CNTN5: variants seen among roughly 807,000 people sequenced by gnomAD.
CNTN5 encodes contactin-5.
CNTN5 carries 77 observed loss-of-function variants against 129.1 expected under a neutral mutation model. That is an observed-to-expected ratio of 0.60 (90% CI 0.50 to 0.72). CNTN5 has a LOEUF of 0.72. CNTN5 is among the 30% of genes least tolerant of loss of function. The pLI, the probability that CNTN5 is intolerant of heterozygous loss-of-function variation, is 0.00. For missense variants in CNTN5, 1,478 were observed against 1,328.8 expected (o/e 1.11, Z -1.75); for synonymous variants, 509 against 465.6 (o/e 1.09, Z -1.20).
At chr11:99,453,473 C>T (rs1192324322) in intron 2 of CNTN5, among the ~76,000 whole-genome samples, 1 of 152,100 alleles carries the variant, frequency 6.6e-6, no homozygotes, top group African/African-American at 2.4e-5. Context: ...AGTGAATCAT[C>T]AATACAAGAT....
At chr11:100,239,613 A>G (rs1949694138) in intron 16 of CNTN5, among the ~76,000 whole-genome samples, 1 of 152,200 alleles carries the variant, frequency 6.6e-6, no homozygotes, top group African/African-American at 2.4e-5. Flanking sequence ...AAACACCACC[A>G]ATGACACTAA....
chr11:99,618,513 G>A (rs965876384), intron 3 of CNTN5, among the ~76,000 whole-genome samples: 1 of 152,108 alleles, frequency 6.6e-6, no homozygotes, highest in South Asian at 2.1e-4. Context: ...ACTGTTCTTT[G>A]TCACCTACCA....
intron 1 of CNTN5, among the ~76,000 whole-genome samples, chr11:99,110,428 T>C (rs1857735382): frequency 1.3e-5 from 2 of 152,144 alleles, no homozygotes; most frequent in South Asian, 4.1e-4. Context: ...AAGCATGCTA[T>C]ATGAACATTA....
Position 100,350,776 on chromosome 11 carries a change from C to T in CNTN5, c.3105C>T (p.Leu1035=), listed in dbSNP as rs573614623. ...AGAAACTTCAAGCAGTAGTACCACTCCCAGATGCTGGAGTCTATATTATTG... is the reference window on the plus strand; with the variant it reads ...AGAAACTTCAAGCAGTAGTACCACTTCCAGATGCTGGAGTCTATATTATTG... ...ETQKLQAVVP[L]PDAGVYIIEV... Residue 1035 remains leucine, a synonymous_variant, in exon 24 of 25, where the codon CTC becomes CTT. Coordinates refer to ENST00000524871, the MANE Select transcript of CNTN5 (RefSeq NM_014361.4). The T allele has an allele frequency of 9.3e-6, 15 of 1,608,864 alleles. No homozygotes were observed. In the Admixed American group the frequency reaches 2.5e-4, roughly 27 times the overall value.
At chr11:99,139,118 A>AAG (rs1859388346) in intron 1 of CNTN5, among the ~76,000 whole-genome samples, 1 of 136,984 alleles carries the variant, frequency 7.3e-6, no homozygotes, top group Admixed American at 7.2e-5. Context: ...CCCCCCAAAA[A>AAG]TTAGCCAGGC....
intron 1 of CNTN5, among the ~76,000 whole-genome samples, chr11:99,057,855 G>T (rs950748537): frequency 6.6e-6 from 1 of 150,844 alleles, no homozygotes; most frequent in Non-Finnish European, 1.5e-5. Flanking sequence ...GATGTTGGTA[G>T]TATTGAAATA....
intron 2 of CNTN5, among the ~76,000 whole-genome samples, chr11:99,438,623 T>C (rs1943693947): frequency 6.6e-6 from 1 of 152,164 alleles, no homozygotes; most frequent in Non-Finnish European, 1.5e-5. Flanking sequence ...ATATTTATGT[T>C]AGCAAAACAT....
chr11:100,066,985 T>A (rs1943720931), intron 10 of CNTN5, among the ~76,000 whole-genome samples: 1 of 152,104 alleles, frequency 6.6e-6, no homozygotes, highest in Non-Finnish European at 1.5e-5. Context: ...TTAATTCAGT[T>A]TTTAATGTTT....
chr11:100,266,552 AAAT>A (rs1042251423), intron 17 of CNTN5, among the ~76,000 whole-genome samples: 19 of 152,104 alleles, frequency 1.2e-4, no homozygotes, highest in Admixed American at 7.2e-4. Context: ...ATTTCACCAA[AAAT>A]AATAATACCT....
At chr11:100,317,849 A>G (rs1951599032) in intron 21 of CNTN5, among the ~76,000 whole-genome samples, 2 of 152,198 alleles carry the variant, frequency 1.3e-5, no homozygotes, top group Non-Finnish European at 2.9e-5. Flanking sequence ...TGAAATTTTG[A>G]CACAAACCAT....
intron 6 of CNTN5, among the ~76,000 whole-genome samples, chr11:99,910,277 T>A (rs1481940423): frequency 6.6e-6 from 1 of 152,082 alleles, no homozygotes; most frequent in African/African-American, 2.4e-5. Flanking sequence ...ACCAAAAACC[T>A]TCATTTTTCT....
chr11:99,865,348 CA>C (rs538700342), intron 6 of CNTN5, among the ~76,000 whole-genome samples: 5 of 150,756 alleles, frequency 3.3e-5, no homozygotes, highest in Non-Finnish European at 5.9e-5. Context: ...ATCAGATTAA[CA>C]AAAAAAATGC....
At chr11:100,168,348 C>G (rs1947711669) in intron 13 of CNTN5, among the ~76,000 whole-genome samples, 1 of 151,926 alleles carries the variant, frequency 6.6e-6, no homozygotes, top group Non-Finnish European at 1.5e-5. Context: ...GAAGTGAATG[C>G]CTGGCTTCAA....
chr11:99,355,836 GT>G (rs1034821940), intron 2 of CNTN5, among the ~76,000 whole-genome samples: 1 of 79,770 alleles, frequency 1.3e-5, no homozygotes, highest in Admixed American at 1.3e-4. Context: ...TTTTTTTTTT[GT>G]TTTTTTTGAG....
chr11:99,763,621 G>A lies in CNTN5; in HGVS notation c.56-55923G>A, dbSNP rs1944658665. Among the ~76,000 whole-genome samples the A allele has an allele frequency of 2.0e-5, 3 of 151,898 alleles. 1 individual carries two copies. The highest frequency in any genetic ancestry group is 1.3e-4 in the Admixed American group (2 of 15,220). On this transcript the variant is annotated intron_variant, in intron 3 of 24. Coordinates refer to ENST00000524871, the MANE Select transcript of CNTN5 (RefSeq NM_014361.4). ...CGTGTAGTCAAAAACTAGAAAATAGGTACACCCACCTCATTAAGAGACAGA... is the reference window on the plus strand; with the variant it reads ...CGTGTAGTCAAAAACTAGAAAATAGATACACCCACCTCATTAAGAGACAGA...
intron 9 of CNTN5, among the ~76,000 whole-genome samples, chr11:100,044,809 C>T (rs959733876): frequency 7.2e-5 from 11 of 151,846 alleles, no homozygotes; most frequent in African/African-American, 2.4e-4. Flanking sequence ...TATTTCATTT[C>T]GTTGATCTTC....
chr11:100,287,360 A>C (rs1950821457), intron 18 of CNTN5, among the ~76,000 whole-genome samples: 1 of 150,900 alleles, frequency 6.6e-6, no homozygotes, highest in Non-Finnish European at 1.5e-5. Flanking sequence ...CCAGAGAGAA[A>C]GGTCGGGTTA....
Position 99,131,796 on chromosome 11 carries a change from T to A in CNTN5, c.-210+110526T>A, listed in dbSNP as rs181727579. 3.2e-3 allele frequency among the ~76,000 whole-genome samples: 485 copies of A among 152,280 alleles called. 1 individual carries two copies. Among genetic ancestry groups the A allele is most frequent in the Admixed American group, 5.2e-3 (80 of 15,304 alleles). On this transcript the variant is annotated intron_variant, in intron 1 of 24. Coordinates refer to ENST00000524871, the MANE Select transcript of CNTN5 (RefSeq NM_014361.4). ...CAAAAAAAGCCCAGGCCCAGATGGA[T>A]TTACAGCTGAATTTTACGAGAGGTA... is the stretch of plus-strand genomic sequence containing the variant.
intron 9 of CNTN5, among the ~76,000 whole-genome samples, chr11:100,012,219 T>C (rs904455770): frequency 1.3e-5 from 2 of 152,122 alleles, no homozygotes; most frequent in Non-Finnish European, 2.9e-5. Flanking sequence ...ATGGTTGAGA[T>C]GAAGGACACA....
Sources: allele counts gnomAD v4.1 joint callset (sites outside exome capture counted in the v4.1 genomes callset), GRCh38; gene constraint gnomAD v4.1.1; transcripts MANE v1.5; gene names NCBI Gene and HGNC (gene_info 2026-07-23, HGNC 2026-07-21).